The following SKA2 variants were observed in gnomAD, a reference collection of about 807,000 sequenced individuals.
SKA2 encodes spindle and kinetochore-associated protein 2.
In SKA2, 13 loss-of-function variants were observed where a neutral mutation model predicts 16.9. The ratio of observed to expected loss-of-function variants is 0.77; its 90% CI spans 0.50 to 1.22. SKA2 has a LOEUF of 1.22. Among genes scored for constraint, SKA2 ranks in the 50% most tolerant of loss-of-function variants. The pLI is 0.00. For synonymous variants in SKA2, 47 were observed against 48.5 expected, an observed-to-expected ratio of 0.97 and a Z score of 0.13; for missense variants, 107 against 139.7, an observed-to-expected ratio of 0.77 and a Z score of 1.18.
At chr17:59,123,021 C>CAA (rs1197154280) in intron 2 of SKA2, among the ~76,000 whole-genome samples, 49 of 49,074 alleles carry the variant, frequency 1.0e-3, no homozygotes, top group East Asian at 2.5e-3. Flanking sequence ...AACCTTGTCT[C>CAA]AAAAAAAAAA....
At chr17:59,147,238 ACAAAAACAAAAT>A (rs2046540119) in intron 1 of SKA2, among the ~76,000 whole-genome samples, 1 of 152,068 alleles carries the variant, frequency 6.6e-6, no homozygotes, top group Admixed American at 6.6e-5. Flanking sequence ...AAAAACAAAA[ACAAAAACAAAAT>A]CAAAATCCTA....
chr17:59,137,706 G>T, intron 1 of SKA2: 1 of 494,268 alleles, frequency 2.0e-6, no homozygotes, highest in South Asian at 1.6e-5. Context: ...CTAGTTCCTT[G>T]TTTTCTTCCT....
chr17:59,131,272 G>A lies in SKA2; in HGVS notation c.120+9C>T, dbSNP rs1294763739. The stretch of plus-strand genomic sequence containing the variant: ...GATTTTTTTTAAGCTTATTTATTTC[G>A]GAGATTACCTCACTTGCTGAATCAG... On this transcript the variant is annotated intron_variant, in intron 2 of 3. Coordinates refer to ENST00000330137, the MANE Select transcript of SKA2 (RefSeq NM_182620.4). The A allele has an allele frequency of 2.1e-5, 32 of 1,559,938 alleles. No homozygotes were observed. Among genetic ancestry groups the A allele is most frequent in the South Asian group, 1.2e-4 (10 of 83,702 alleles).
At chr17:59,114,934 A>G (rs2046286442) in intron 3 of SKA2, among the ~76,000 whole-genome samples, 1 of 152,170 alleles carries the variant, frequency 6.6e-6, no homozygotes. Context: ...AAAACTTTCC[A>G]TGATGCTGGA....
In SKA2 at chr17:59,110,788, C is replaced by CAAAACAAAAAAAA. The variant is rs2046259016; in HGVS notation, c.*1488_*1489insTTTTTTTTGTTTT. On this transcript the variant is annotated 3_prime_UTR_variant, in exon 4 of 4. Transcript: ENST00000330137. ...TGGGCAACAGAGTGAGACTCCGTCT[C>CAAAACAAAAAAAA]AAAAAAAAAAAAAAAAAAAAAAAGG... 1.9e-5 allele frequency: 1 copy of CAAAACAAAAAAAA among 53,596 alleles called. No individual in the cohort carries two copies. The highest frequency in any genetic ancestry group is 3.4e-5 in the Non-Finnish European group (1 of 29,648). The allele number at this position is 53,596 out of a possible 1,614,324, so 3.3% of individuals were successfully genotyped here.
intron 1 of SKA2, among the ~76,000 whole-genome samples, chr17:59,153,235 A>G (rs1197493622): frequency 1.3e-5 from 2 of 152,250 alleles, no homozygotes; most frequent in African/African-American, 2.4e-5. Context: ...TATCTATATC[A>G]GTAGGGAGGA....
chr17:59,146,392 G>A (rs560724138), intron 1 of SKA2, among the ~76,000 whole-genome samples: 3 of 152,078 alleles, frequency 2.0e-5, no homozygotes, highest in African/African-American at 2.4e-5. Context: ...CCAGCTACTC[G>A]GGAGGGTGAC....
chr17:59,151,665 G>A (rs2046578560), intron 1 of SKA2: 1 of 161,108 alleles, frequency 6.2e-6, no homozygotes, highest in Non-Finnish European at 1.3e-5. Context: ...AAGTATCAAA[G>A]AAAACAAATG....
At position 59,112,320 on chromosome 17, in the gene SKA2, T is replaced by C. The variant is rs950370558; in HGVS notation, c.323A>G (p.Lys108Arg). 1.2e-6 allele frequency: 2 copies of C among 1,611,108 alleles called. No homozygotes were observed. Among genetic ancestry groups the C allele is most frequent in the Non-Finnish European group, 1.7e-6 (2 of 1,179,564 alleles). The change falls in exon 4 of 4, where the codon AAA becomes AGA. Residue 108 changes from lysine to arginine, a missense_variant. Transcript: ENST00000330137. Reference sequence around the variant, plus strand: ...AAATTTGAATTGCTCTGCCGCAGTTTTCTCTTCTTTAGTCAGTGGTGACAG... The same window carrying C: ...AAATTTGAATTGCTCTGCCGCAGTTCTCTCTTCTTTAGTCAGTGGTGACAG... The part of the protein sequence containing the change: ...LELSPLTKEE[K>R]TAAEQFKFHM...
intron 2 of SKA2, among the ~76,000 whole-genome samples, chr17:59,120,933 A>ACC (rs2046328188): frequency 6.6e-6 from 1 of 151,752 alleles, no homozygotes; most frequent in Non-Finnish European, 1.5e-5. Flanking sequence ...CGGGCAGATC[A>ACC]TGAGGTCAGG....
intron 1 of SKA2, among the ~76,000 whole-genome samples, chr17:59,138,075 T>C (rs1213917028): frequency 6.6e-6 from 1 of 152,072 alleles, no homozygotes; most frequent in Non-Finnish European, 1.5e-5. Flanking sequence ...AAAATAAAAC[T>C]AGTGATTTTT....
chr17:59,127,121 T>TA (rs2046377309), intron 2 of SKA2, among the ~76,000 whole-genome samples: 1 of 152,060 alleles, frequency 6.6e-6, no homozygotes, highest in Admixed American at 6.5e-5. Context: ...AACGTGGAGT[T>TA]ATTGTTTAAT....
chr17:59,120,198 G>C (rs968784447), intron 2 of SKA2, among the ~76,000 whole-genome samples: 26 of 152,164 alleles, frequency 1.7e-4, no homozygotes, highest in African/African-American at 5.8e-4. Flanking sequence ...GTGAGCCACT[G>C]CGCCCGGCCA....
chr17:59,125,772 A>G (rs1288501600), intron 2 of SKA2, among the ~76,000 whole-genome samples: 1 of 152,142 alleles, frequency 6.6e-6, no homozygotes, highest in African/African-American at 2.4e-5. Flanking sequence ...AAGCCAATAT[A>G]TGAACAAAAA....
rs181155147 is a variant in SKA2 at position 59,143,918 on chromosome 17, G to A, written c.33+11213C>T. 1.1e-3 allele frequency among the ~76,000 whole-genome samples: 161 copies of A among 152,262 alleles called. 1 individual carries two copies. Among genetic ancestry groups the A allele is most frequent in the African/African-American group, 3.7e-3 (153 of 41,568 alleles). ...CATGCCTGTAATCCCAGCACTTTGG[G>A]AGGCCGAAGCGGGCGGATCATGATG... On this transcript the variant is annotated intron_variant, in intron 1 of 3. Coordinates refer to ENST00000330137, the MANE Select transcript of SKA2 (RefSeq NM_182620.4).
chr17:59,142,080 AGAG>A (rs1429786896), intron 1 of SKA2, among the ~76,000 whole-genome samples: 2 of 152,172 alleles, frequency 1.3e-5, no homozygotes, highest in Non-Finnish European at 2.9e-5. Flanking sequence ...AAGCACATCA[AGAG>A]GAGAAAAATG....
chr17:59,113,140 T>C (rs1257803972), intron 3 of SKA2, among the ~76,000 whole-genome samples: 2 of 151,794 alleles, frequency 1.3e-5, no homozygotes, highest in Non-Finnish European at 2.9e-5. Context: ...GGAGGATCAC[T>C]TGAGCCTGGG....
At chr17:59,151,129 C>T (rs1479545056) in intron 1 of SKA2, 4 of 500,612 alleles carry the variant, frequency 8.0e-6, no homozygotes, top group South Asian at 3.0e-5. Context: ...AAAATTCTGG[C>T]GTGCATCCTG....
intron 2 of SKA2, chr17:59,124,567 A>G (rs896548820): frequency 6.6e-6 from 1 of 152,196 alleles, no homozygotes; most frequent in African/African-American, 2.4e-5. Context: ...CTCAGTAGTG[A>G]AATACCCAGA....
Sources: allele counts gnomAD v4.1 joint callset (sites outside exome capture counted in the v4.1 genomes callset), GRCh38; gene constraint gnomAD v4.1.1; transcripts MANE v1.5; gene names NCBI Gene and HGNC (gene_info 2026-07-23, HGNC 2026-07-21).